OVOL2: variants seen among roughly 807,000 people sequenced by gnomAD.
The protein encoded by OVOL2 is transcription factor Ovo-like 2.
In OVOL2, 13 loss-of-function variants were observed where a neutral mutation model predicts 18.1. The ratio of observed to expected loss-of-function variants is 0.72; its 90% confidence interval spans 0.47 to 1.14. The LOEUF is 1.14. Among genes scored for constraint, OVOL2 ranks in the 50% most tolerant of loss-of-function variants. The pLI is 0.00. For missense variants in OVOL2, 335 were observed against 383.0 expected (o/e 0.87, Z 1.05); for synonymous variants, 166 against 162.7 (o/e 1.02, Z -0.16).
chr20:18,029,878 C>A (rs1193871934), intron 3 of OVOL2, among the ~76,000 whole-genome samples: 1 of 151,990 alleles, frequency 6.6e-6, no homozygotes, highest in African/African-American at 2.4e-5. Context: ...ACTCAGGAGG[C>A]TAAGGTGGGA....
intron 3 of OVOL2, among the ~76,000 whole-genome samples, chr20:18,026,918 G>C (rs1268741732): frequency 6.6e-6 from 1 of 152,044 alleles, no homozygotes; most frequent in East Asian, 1.9e-4. Context: ...GGGACTTAAA[G>C]GTGGAACAAC....
intron 2 of OVOL2, among the ~76,000 whole-genome samples, chr20:18,049,283 G>T (rs1568638954): frequency 6.6e-6 from 1 of 152,178 alleles, no homozygotes; most frequent in Non-Finnish European, 1.5e-5. Context: ...GCCTTCGGCT[G>T]GCCCTCTGAC....
intron 3 of OVOL2, among the ~76,000 whole-genome samples, chr20:18,038,864 T>C (rs185668602): frequency 1.6e-3 from 250 of 152,244 alleles, no homozygotes; most frequent in Non-Finnish European, 3.0e-3. Context: ...TTGCTGCTGC[T>C]GGATGGGTCC....
chr20:18,041,044 G>A (rs1600443709), intron 3 of OVOL2, among the ~76,000 whole-genome samples: 1 of 152,218 alleles, frequency 6.6e-6, no homozygotes, highest in Non-Finnish European at 1.5e-5. Flanking sequence ...TTTTACAGGG[G>A]TGAAAGGCAG....
intron 2 of OVOL2, among the ~76,000 whole-genome samples, chr20:18,043,973 A>G (rs2036700815): frequency 6.6e-6 from 1 of 152,118 alleles, no homozygotes; most frequent in Admixed American, 6.5e-5. Context: ...CCCAGCTTCA[A>G]ATACTCTCCT....
intron 2 of OVOL2, among the ~76,000 whole-genome samples, chr20:18,054,778 A>G (rs796868417): frequency 7.1e-6 from 1 of 140,304 alleles, no homozygotes; most frequent in Non-Finnish European, 1.5e-5. Flanking sequence ...AAAAAAAAAA[A>G]AAAAGAAAGA....
Position 18,024,620 on chromosome 20 carries a change from C to G in OVOL2, c.*16G>C, listed in dbSNP as rs2036492072. On this transcript the variant is annotated 3_prime_UTR_variant, in exon 4 of 4. Coordinates refer to ENST00000278780, the MANE Select transcript of OVOL2 (RefSeq NM_021220.4). ...ATACGTGGCAGTGTGAACGTCTGTC[C>G]TCCCCTTCCTTCTCCTCACTTCCTC... is the stretch of plus-strand genomic sequence containing the variant. The G allele has an allele frequency of 6.4e-7, 1 of 1,565,596 alleles. No individual in the cohort carries two copies.
chr20:18,024,837 C>CCGCTG lies in OVOL2; in HGVS notation c.622_626dup (p.Arg210SerfsTer26). ...CCTCGCAGACGTAGAGCTTGTCCCG[C>CCGCTG]CGCTGCTTATAGGCATACTGCTGCT... On this transcript the variant is annotated frameshift_variant, in exon 4 of 4. Transcript: ENST00000278780. LOFTEE classifies it high-confidence loss of function. 1 of 1,614,224 alleles carries CCGCTG rather than the reference C, an allele frequency of 6.2e-7. No individual in the cohort carries two copies. The highest frequency in any genetic ancestry group is 8.5e-7 in the Non-Finnish European group (1 of 1,180,046).
chr20:18,043,466 T>C (rs763361720), intron 2 of OVOL2, among the ~76,000 whole-genome samples: 4 of 152,148 alleles, frequency 2.6e-5, no homozygotes, highest in African/African-American at 7.2e-5. Context: ...AAGCTAGCCA[T>C]GTGGACAGCC....
At chr20:18,028,352 T>A (rs1352999612) in intron 3 of OVOL2, among the ~76,000 whole-genome samples, 1 of 151,830 alleles carries the variant, frequency 6.6e-6, no homozygotes, top group Non-Finnish European at 1.5e-5. Flanking sequence ...AATTTTTTTA[T>A]TTTTAGTAGA....
At chr20:18,033,194 TG>T (rs2036586289) in intron 3 of OVOL2, among the ~76,000 whole-genome samples, 1 of 152,174 alleles carries the variant, frequency 6.6e-6, no homozygotes, top group Non-Finnish European at 1.5e-5. Flanking sequence ...TTAATCAAGA[TG>T]GGATTTGTGT....
chr20:18,044,246 C>T (rs576886501), intron 2 of OVOL2, among the ~76,000 whole-genome samples: 4 of 152,290 alleles, frequency 2.6e-5, no homozygotes, highest in South Asian at 2.1e-4. Flanking sequence ...CTGATGCACA[C>T]GCCACACTAG....
chr20:18,026,530 C>A (rs573318597), intron 3 of OVOL2, among the ~76,000 whole-genome samples: 2 of 152,134 alleles, frequency 1.3e-5, no homozygotes, highest in Middle Eastern at 3.4e-3. Flanking sequence ...TACAGGCACC[C>A]GCCACCACGC....
chr20:18,050,500 T>A (rs1003479830), intron 2 of OVOL2: 2 of 152,238 alleles, frequency 1.3e-5, no homozygotes, highest in African/African-American at 4.8e-5. Context: ...CTAGCTATAG[T>A]GGATTCTGAT....
intron 2 of OVOL2, among the ~76,000 whole-genome samples, chr20:18,053,682 A>C (rs925602330): frequency 1.4e-5 from 2 of 143,606 alleles, no homozygotes; most frequent in African/African-American, 5.5e-5. Context: ...GCTCCAGGCG[A>C]CAGAGAGAGA....
At chr20:18,033,853 T>C (rs1225910136) in intron 3 of OVOL2, among the ~76,000 whole-genome samples, 3 of 152,256 alleles carry the variant, frequency 2.0e-5, no homozygotes, top group Middle Eastern at 3.4e-3. Flanking sequence ...AGAGAACCAT[T>C]CTTAGGAAGC....
chr20:18,039,793 T>C (rs1357132039), intron 3 of OVOL2, among the ~76,000 whole-genome samples: 1 of 151,998 alleles, frequency 6.6e-6, no homozygotes, highest in Non-Finnish European at 1.5e-5. Context: ...GAAAATAGGA[T>C]GCAGAGGCCT....
rs2036823875 is a variant in OVOL2, at chr20:18,056,285, C to T, written c.321+372G>A. ...GAGAGCGCTGAGGCTTCCTTTCCAA[C>T]CTCAGGAACTCCGACGGCCTTGGTT... On this transcript the variant is annotated intron_variant, in intron 2 of 3. Coordinates refer to ENST00000278780, the MANE Select transcript of OVOL2 (RefSeq NM_021220.4). The surrounding 1 kb of genome is among the most constrained non-coding windows in gnomAD (Gnocchi z 4.2). Among the ~76,000 whole-genome samples, 1 of 152,244 alleles carries T rather than the reference C, an allele frequency of 6.6e-6. No homozygotes were observed. Among genetic ancestry groups the T allele is most frequent in the Admixed American group, 6.5e-5 (1 of 15,290 alleles).
chr20:18,025,574 AATT>A (rs1222368675), intron 3 of OVOL2, among the ~76,000 whole-genome samples: 5 of 152,262 alleles, frequency 3.3e-5, no homozygotes, highest in African/African-American at 1.2e-4. Context: ...ATTAAAAAAA[AATT>A]AATTTGGGTA....
Sources: gnomAD v4.1 joint callset for allele counts (sites outside exome capture counted in the v4.1 genomes callset) on GRCh38, gnomAD v4.1.1 for gene constraint, Gnocchi (gnomAD v3.1) non-coding constraint, MANE v1.5 for transcripts, NCBI Gene and HGNC (gene_info 2026-07-23, HGNC 2026-07-21) for gene names.